The following NRTN variants were observed in gnomAD, a reference collection of about 807,000 sequenced individuals.
NRTN encodes prepro-neurturin.
Under a neutral mutation model 7.5 loss-of-function variants are expected in NRTN, and 3 were observed. The observed-to-expected ratio is 0.40, with a 90% CI of 0.18 to 1.03. The LOEUF is 1.03. NRTN is among the 50% of genes least tolerant of loss of function. The pLI is 0.34. For missense variants in NRTN, 310 were observed against 307.0 expected, an observed-to-expected ratio of 1.01 and a Z score of -0.07; for synonymous variants, 157 against 146.6, an observed-to-expected ratio of 1.07 and a Z score of -0.51.
At chr19:5,811,212 C>T (rs909662507) in intron 1 of NRTN, among the ~76,000 whole-genome samples, 4 of 151,770 alleles carry the variant, frequency 2.6e-5, no homozygotes, top group African/African-American at 9.7e-5. Flanking sequence ...CACTCCACAG[C>T]GAGACTTTTG....
At position 5,828,212 on chromosome 19, in the gene NRTN, G is replaced by A. The variant is rs1166919080; in HGVS notation, c.*39G>A. On this transcript the variant is annotated 3_prime_UTR_variant, in exon 3 of 3. Coordinates refer to ENST00000303212, the MANE Select transcript of NRTN (RefSeq NM_004558.5). ...GGCCGGCGCGGCGGCCACTCCCCCC[G>A]CCTCGACGGCACCACTGGCCGGCCC... is the stretch of plus-strand genomic sequence containing the variant. The A allele has an allele frequency of 3.9e-6, 6 of 1,524,950 alleles. No individual in the cohort carries two copies. The African/African-American group carries it at 5.5e-5, about 14-fold the overall frequency. 94.5% of individuals were successfully genotyped at this position (1,524,950 alleles called of 1,614,324 possible). A position where few individuals can be genotyped will look rare whatever the true frequency, so the allele number is the denominator to read the frequency against.
At position 5,810,914 on chromosome 19, in the gene NRTN, C is replaced by T. The variant is rs541639528; in HGVS notation, c.-399+5463C>T. On this transcript the variant is annotated intron_variant, in intron 1 of 2. Coordinates refer to ENST00000303212, the MANE Select transcript of NRTN (RefSeq NM_004558.5). Reference sequence around the variant, plus strand: ...ACTGCACTCCAGCCTGGCAACAGAGCGAGACTCCATCTCAAAAAAAAAAAA... The same window carrying T: ...ACTGCACTCCAGCCTGGCAACAGAGTGAGACTCCATCTCAAAAAAAAAAAA... Among the ~76,000 whole-genome samples the T allele has an allele frequency of 8.9e-4, 133 of 149,230 alleles. 4 individuals carry two copies. In the South Asian group the frequency reaches 0.027, roughly 31 times the overall value.
intron 1 of NRTN, among the ~76,000 whole-genome samples, chr19:5,822,460 TCGGGAGGAGCCCAGACGG>T (rs944482777): frequency 6.6e-6 from 1 of 152,182 alleles, no homozygotes; most frequent in African/African-American, 2.4e-5. Flanking sequence ...CGCGGGACGC[TCGGGAGGAGCCCAGACGG>T]CGTCGAGTGT....
intron 1 of NRTN, among the ~76,000 whole-genome samples, 187 bp from the exon 2 acceptor site, chr19:5,823,581 T>C (rs572610023): frequency 6.6e-6 from 1 of 152,192 alleles, no homozygotes; most frequent in African/African-American, 2.4e-5. Context: ...TGCTTATCCA[T>C]CTGGATGGGA....
intron 2 of NRTN, 25 bp from the exon 3 acceptor site, chr19:5,827,724 C>CT (rs775196133): frequency 1.7e-6 from 2 of 1,175,044 alleles, no homozygotes; most frequent in Non-Finnish European, 1.1e-6. Flanking sequence ...CTGACCCCCC[C>CT]TCCTTTCTCT....
At chr19:5,812,093 G>A (rs1414187417) in intron 1 of NRTN, among the ~76,000 whole-genome samples, 6 of 150,688 alleles carry the variant, frequency 4.0e-5, no homozygotes, top group Non-Finnish European at 7.4e-5. Context: ...AGATGGTCTC[G>A]ATCTCCTGAC....
intron 2 of NRTN, among the ~76,000 whole-genome samples, chr19:5,825,323 CAT>C (rs748564366): frequency 6.6e-6 from 1 of 152,208 alleles, no homozygotes; most frequent in African/African-American, 2.4e-5. Flanking sequence ...TGCCCACGCA[CAT>C]GTCCATGCGT....
chr19:5,819,764 C>G (rs1876265028), intron 1 of NRTN, among the ~76,000 whole-genome samples: 1 of 151,858 alleles, frequency 6.6e-6, no homozygotes, highest in Non-Finnish European at 1.5e-5. Context: ...GGGAGGATCA[C>G]CTGAGCTGGG....
At position 5,823,997 on chromosome 19, in the gene NRTN, C is replaced by G; in HGVS notation, c.-169C>G. 1.1e-6 allele frequency: 1 copy of G among 929,346 alleles called. No individual in the cohort carries two copies. The highest frequency in any genetic ancestry group is 2.6e-5 in the East Asian group (1 of 37,900). 57.6% of individuals were successfully genotyped at this position (929,346 alleles called of 1,614,324 possible). A position where few individuals can be genotyped will look rare whatever the true frequency, so the allele number is the denominator to read the frequency against. Reference sequence around the variant, plus strand: ...TCCTGGCACGGAGGCCAACCCCTTCCTTGTTCAATGGTTCCTTGAGGGACC... The same window carrying G: ...TCCTGGCACGGAGGCCAACCCCTTCGTTGTTCAATGGTTCCTTGAGGGACC... On this transcript the variant is annotated 5_prime_UTR_variant, in exon 2 of 3. Transcript: ENST00000303212.
At chr19:5,820,934 C>T (rs1186594795) in intron 1 of NRTN, among the ~76,000 whole-genome samples, 1 of 152,122 alleles carries the variant, frequency 6.6e-6, no homozygotes. Flanking sequence ...CCTCACTCTG[C>T]TCAGACACAC....
intron 1 of NRTN, among the ~76,000 whole-genome samples, chr19:5,810,774 C>G (rs1164038261): frequency 2.0e-5 from 3 of 151,088 alleles, no homozygotes; most frequent in African/African-American, 4.9e-5. Flanking sequence ...ACTAAAAATA[C>G]AAAAATTAGC....
rs544391418 is a variant in NRTN at position 5,821,741 on chromosome 19, G to A, written c.-398-2027G>A. Among the ~76,000 whole-genome samples the A allele has an allele frequency of 3.3e-5, 5 of 152,268 alleles. No homozygotes were observed. In the South Asian group the frequency reaches 6.2e-4, roughly 19 times the overall value. On this transcript the variant is annotated intron_variant, in intron 1 of 2. Coordinates refer to ENST00000303212, the MANE Select transcript of NRTN (RefSeq NM_004558.5). ...TTCCCCTGCAAATTCACTCTCATCAGATCCCCAGGCTGGTCTAGGATTTGT... is the reference window on the plus strand; with the variant it reads ...TTCCCCTGCAAATTCACTCTCATCAAATCCCCAGGCTGGTCTAGGATTTGT...
At chr19:5,809,374 G>A (rs1460208581) in intron 1 of NRTN, among the ~76,000 whole-genome samples, 3 of 151,198 alleles carry the variant, frequency 2.0e-5, no homozygotes, top group African/African-American at 7.3e-5. Context: ...GTCTCGCTAT[G>A]TTGCCCAGGC....
At chr19:5,812,231 T>C (rs984222418) in intron 1 of NRTN, among the ~76,000 whole-genome samples, 2 of 151,960 alleles carry the variant, frequency 1.3e-5, no homozygotes, top group African/African-American at 2.4e-5. Context: ...GCCACCATAC[T>C]CCTCCCCAGA....
chr19:5,821,294 CTTTTTTTTTTTTT>C (rs33932385), intron 1 of NRTN, among the ~76,000 whole-genome samples: 4 of 49,176 alleles, frequency 8.1e-5, no homozygotes, highest in Non-Finnish European at 1.0e-4. Context: ...CAGTGCCTAG[CTTTTTTTTTTTTT>C]TTTTTTTTTT....
intron 1 of NRTN, among the ~76,000 whole-genome samples, chr19:5,816,244 G>A (rs1271419181): frequency 6.6e-6 from 1 of 151,992 alleles, no homozygotes; most frequent in Non-Finnish European, 1.5e-5. Context: ...TCTGTCCCAG[G>A]GTCCATCCAG....
At chr19:5,817,009 T>C (rs956187527) in intron 1 of NRTN, among the ~76,000 whole-genome samples, 2 of 152,166 alleles carry the variant, frequency 1.3e-5, no homozygotes, top group African/African-American at 4.8e-5. Flanking sequence ...CCTGGAAACA[T>C]CTGAGTATGC....
chr19:5,828,067 C>T lies in NRTN; in HGVS notation c.488C>T (p.Pro163Leu), dbSNP rs1054998616. Residue 163 changes from proline to leucine, a missense_variant, in exon 3 of 3, where the codon CCC (proline) becomes CTC (leucine). Pro to Leu is a moderately conservative substitution (Grantham distance 98). Transcript: ENST00000303212. ...RLRRERVRAQPCCRPTAYEDE... is the reference protein window; with the variant it reads ...RLRRERVRAQLCCRPTAYEDE... The stretch of plus-strand genomic sequence containing the variant: ...CGGCGGGAGCGGGTGCGCGCGCAGC[C>T]CTGCTGCCGCCCGACGGCCTACGAG... 1.4e-6 allele frequency: 2 copies of T among 1,472,102 alleles called. No homozygotes were observed. Among genetic ancestry groups the T allele is most frequent in the Non-Finnish European group, 1.8e-6 (2 of 1,118,292 alleles). 91.2% of individuals were successfully genotyped at this position (1,472,102 alleles called of 1,614,324 possible). A position where few individuals can be genotyped will look rare whatever the true frequency, so the allele number is the denominator to read the frequency against.
At chr19:5,805,483 G>A (rs2056972501) in intron 1 of NRTN, among the ~76,000 whole-genome samples, 32 bp downstream of exon 1, 1 of 151,754 alleles carries the variant, frequency 6.6e-6, no homozygotes. Flanking sequence ...CAGGTGGGGG[G>A]GCAGCAGGGT....
Sources: gnomAD v4.1 joint callset for allele counts (sites outside exome capture counted in the v4.1 genomes callset) on GRCh38, gnomAD v4.1.1 for gene constraint, MANE v1.5 for transcripts, NCBI Gene and HGNC (gene_info 2026-07-23, HGNC 2026-07-21) for gene names.